Variants in IL17REL observed in about 807,000 individuals in gnomAD.
IL17REL encodes the protein interleukin 17 receptor E like, also known as interleukin-17 receptor E-like protein.
In IL17REL, 36 loss-of-function variants were observed where a neutral mutation model predicts 49.0. That is an observed-to-expected ratio of 0.73 (90% CI 0.56 to 0.97). The LOEUF is 0.97. Ranked by LOEUF, IL17REL falls within the 50% of genes least tolerant of loss-of-function variation. The pLI is 0.00. For synonymous variants in IL17REL, 206 were observed against 192.4 expected (o/e 1.07, Z -0.58); for missense variants, 470 against 453.9 (o/e 1.04, Z -0.32).
chr22:50,000,653 G>A (rs1051672018), intron 3 of IL17REL, 61 bp from the exon 5 acceptor site: 1 of 1,554,762 alleles, frequency 6.4e-7, no homozygotes, highest in African/African-American at 1.4e-5. Flanking sequence ...CACCCGGCCA[G>A]CTCCACTTGC....
upstream of IL17REL, chr22:50,008,873 C>G (rs1024580272): frequency 6.6e-6 from 1 of 152,278 alleles, no homozygotes; most frequent in African/African-American, 2.4e-5. Context: ...CAGGCCCCAG[C>G]TCCCCGACCC....
At chr22:50,005,952 T>C (rs959698486) in intron 1 of IL17REL, among the ~76,000 whole-genome samples, 2 of 151,994 alleles carry the variant, frequency 1.3e-5, no homozygotes, top group African/African-American at 4.8e-5. Flanking sequence ...AAAAAACATA[T>C]GTTTTTTTAA....
chr22:49,994,060 T>C (rs560857413), downstream of IL17REL, among the ~76,000 whole-genome samples: 1 of 148,840 alleles, frequency 6.7e-6, no homozygotes, highest in Admixed American at 6.7e-5. Context: ...TGGCAGCCTG[T>C]ATCCCCCCAT....
chr22:50,005,109 A>G (rs2061102130), intron 1 of IL17REL, among the ~76,000 whole-genome samples: 1 of 152,106 alleles, frequency 6.6e-6, no homozygotes, highest in Non-Finnish European at 1.5e-5. Context: ...ATGTATAAAA[A>G]TAAGAACAGG....
exon 13 of IL17REL, chr22:49,994,885 G>A (rs747844064): frequency 6.6e-6 from 1 of 152,440 alleles, no homozygotes; most frequent in Non-Finnish European, 1.5e-5. Flanking sequence ...ACCCCTGGCT[G>A]GGACCTGGAT....
chr22:50,003,208 G>A (rs2146752259), intron 1 of IL17REL, among the ~76,000 whole-genome samples: 1 of 152,314 alleles, frequency 6.6e-6, no homozygotes. Context: ...GACCAGAGGT[G>A]GAGAAAGAAC....
chr22:49,999,585 C>T (rs2061062035), intron 5 of IL17REL, 83 bp from the exon 8 acceptor site: 2 of 552,592 alleles, frequency 3.6e-6, no homozygotes, highest in South Asian at 1.8e-5. Context: ...CCGAACGGGG[C>T]GGGAGCGGGG....
At position 50,000,699 on chromosome 22, in the gene IL17REL, A is replaced by G. The variant is rs543043749; in HGVS notation, c.219+55T>C. The stretch of plus-strand genomic sequence containing the variant: ...CTTAGAGCCAGGGATGGCGCCCAGG[A>G]GGAGTGGCGCCCAGTCTTCGGGACT... On this transcript the variant is annotated intron_variant, in intron 3 of 12. Transcript: ENST00000341280. The G allele has an allele frequency of 3.8e-5, 58 of 1,530,526 alleles. No individual in the cohort carries two copies. The South Asian group carries it at 6.7e-4, about 18-fold the overall frequency. 94.8% of individuals were successfully genotyped at this position (1,530,526 alleles called of 1,614,324 possible).
rs150524418 is a variant in IL17REL, at chr22:50,001,706, G to A, written c.-41-475C>T. ...CTCACAGGGAGGACTTGCCCCCAGGGCCTTCTGCTCTGAGACCAAACGCCA... is the reference window on the plus strand; with the variant it reads ...CTCACAGGGAGGACTTGCCCCCAGGACCTTCTGCTCTGAGACCAAACGCCA... On this transcript the variant is annotated intron_variant, in intron 1 of 12. Coordinates refer to ENST00000341280, the Ensembl canonical transcript of IL17REL. Among the ~76,000 whole-genome samples the A allele has an allele frequency of 3.6e-3, 554 of 152,382 alleles. 3 individuals are homozygous for A. The highest frequency in any genetic ancestry group is 0.013 in the African/African-American group (532 of 41,586).
Position 50,007,676 on chromosome 22 carries a change from C to G in IL17REL, c.-42+961G>C, listed in dbSNP as rs375631489. Reference sequence around the variant, plus strand: ...TTACAGGTGTGAGCCACCGCATCAGCCATGCTTTGCATTTGTTGTTTGTTT... The same window carrying G: ...TTACAGGTGTGAGCCACCGCATCAGGCATGCTTTGCATTTGTTGTTTGTTT... On this transcript the variant is annotated intron_variant, in intron 1 of 12. Coordinates refer to ENST00000341280, the Ensembl canonical transcript of IL17REL. 8.6e-5 allele frequency among the ~76,000 whole-genome samples: 13 copies of G among 152,022 alleles called. No individual in the cohort carries two copies. In the Admixed American group the frequency reaches 8.6e-4, roughly 10 times the overall value.
chr22:50,011,011 C>A (rs1026578758), upstream of IL17REL, among the ~76,000 whole-genome samples: 2 of 151,708 alleles, frequency 1.3e-5, no homozygotes, highest in South Asian at 2.1e-4. Context: ...GGGTCCCCCC[C>A]CAGGGCGCGG....
rs552285378 is a variant in IL17REL at position 49,998,083 on chromosome 22, G to C, written c.775-14C>G. The C allele has an allele frequency of 6.3e-7, 1 of 1,593,250 alleles. No homozygotes were observed. The highest frequency in any genetic ancestry group is 8.5e-7 in the Non-Finnish European group (1 of 1,171,756). The stretch of plus-strand genomic sequence containing the variant: ...CGGGTACTGCACCTGAGGAGGGCTG[G>C]GGTCAGGCTGTGGCATCCATGCCCA... On this transcript the variant is annotated splice_polypyrimidine_tract_variant and intron_variant, in intron 8 of 12. Coordinates refer to ENST00000341280, the Ensembl canonical transcript of IL17REL.
intron 4 of IL17REL, 31 bp from the exon 7 acceptor site, chr22:49,999,998 G>A: frequency 6.8e-7 from 1 of 1,467,008 alleles, no homozygotes; most frequent in Non-Finnish European, 9.1e-7. Flanking sequence ...GGGCCGCGCT[G>A]GGACCAGCGG....
At position 49,997,575 on chromosome 22, in the gene IL17REL, C is replaced by T. The variant is rs569778038; in HGVS notation, c.877+110G>A. 3.6e-6 allele frequency: 5 copies of T among 1,388,812 alleles called. No homozygotes were observed. In the African/African-American group the frequency reaches 7.1e-5, roughly 20 times the overall value. 86.0% of individuals were successfully genotyped at this position (1,388,812 alleles called of 1,614,324 possible). ...TGGGCCTGGCGCCTGCCCACTGTACCTCCCCCACACTGGCTTGGCACCGTT... is the reference window on the plus strand; with the variant it reads ...TGGGCCTGGCGCCTGCCCACTGTACTTCCCCCACACTGGCTTGGCACCGTT... On this transcript the variant is annotated intron_variant, in intron 10 of 12. Coordinates refer to ENST00000341280, the Ensembl canonical transcript of IL17REL.
At chr22:49,996,931 G>T (rs1012522622) in intron 12 of IL17REL, 63 bp downstream of exon 14, 7 of 789,760 alleles carry the variant, frequency 8.9e-6, no homozygotes, top group Middle Eastern at 3.5e-4. Flanking sequence ...GGAAGGGGGG[G>T]TGTGAACTGA....
downstream of IL17REL, among the ~76,000 whole-genome samples, chr22:49,992,955 C>T (rs1369589527): frequency 1.3e-5 from 2 of 152,186 alleles, no homozygotes; most frequent in African/African-American, 4.8e-5. Flanking sequence ...CACTCCCCAT[C>T]GTGCTCCCAG....
chr22:49,992,212 G>T (rs1284406938), downstream of IL17REL, among the ~76,000 whole-genome samples: 3 of 152,102 alleles, frequency 2.0e-5, no homozygotes, highest in African/African-American at 7.2e-5. Context: ...AGGCCAAAAC[G>T]TTGGTCACTT....
intron 1 of IL17REL, among the ~76,000 whole-genome samples, chr22:50,003,418 A>C (rs2061089583): frequency 6.6e-6 from 1 of 150,606 alleles, no homozygotes; most frequent in Non-Finnish European, 1.5e-5. Context: ...CTACTCAGGA[A>C]GCTGAGGCAG....
At chr22:50,003,519 C>G (rs1038015887) in intron 1 of IL17REL, among the ~76,000 whole-genome samples, 1 of 39,080 alleles carries the variant, frequency 2.6e-5, no homozygotes, top group African/African-American at 9.5e-5. Context: ...GACTCCATCT[C>G]AAAAAAAAAA....
Sources: allele counts gnomAD v4.1 joint callset (sites outside exome capture counted in the v4.1 genomes callset), GRCh38; gene constraint gnomAD v4.1.1; transcripts MANE v1.5; gene names NCBI Gene and HGNC (gene_info 2026-07-23, HGNC 2026-07-21).